TMEM232: variants seen among roughly 807,000 people sequenced by gnomAD.
TMEM232 encodes the protein transmembrane protein 232.
TMEM232 carries 80 observed loss-of-function variants against 78.8 expected under a neutral mutation model. The ratio of observed to expected loss-of-function variants is 1.01; its 90% CI spans 0.85 to 1.22. TMEM232 has a LOEUF of 1.22. Ranked by LOEUF, TMEM232 falls within the 50% of genes most tolerant of loss-of-function variation. The pLI, the probability that TMEM232 is intolerant of heterozygous loss-of-function variation, is 0.00. For missense variants in TMEM232, 881 were observed against 742.2 expected, an observed-to-expected ratio of 1.19 and a Z score of -2.17; for synonymous variants, 297 against 254.3, an observed-to-expected ratio of 1.17 and a Z score of -1.60.
chr5:110,638,934 G>A (rs1786287022), intron 4 of TMEM232, among the ~76,000 whole-genome samples: 1 of 152,138 alleles, frequency 6.6e-6, no homozygotes, highest in South Asian at 2.1e-4. Context: ...GAGGAAACAG[G>A]GCCAACCGGT....
intron 2 of TMEM232, among the ~76,000 whole-genome samples, chr5:110,662,012 G>T (rs544011557): frequency 6.6e-6 from 1 of 152,008 alleles, no homozygotes; most frequent in African/African-American, 2.4e-5. Context: ...TTTGTTATTA[G>T]GGTGTTTGAG....
intron 2 of TMEM232, among the ~76,000 whole-genome samples, chr5:110,399,122 C>T (rs1424031286): frequency 6.6e-6 from 1 of 151,760 alleles, no homozygotes; most frequent in African/African-American, 2.4e-5. Context: ...AATGACACAC[C>T]ATCTAAACTA....
At chr5:110,529,513 C>G (rs1052222640) in intron 11 of TMEM232, among the ~76,000 whole-genome samples, 2 of 152,140 alleles carry the variant, frequency 1.3e-5, no homozygotes, top group African/African-American at 4.8e-5. Context: ...TCCCAAAGTG[C>G]TGGGATTACA....
chr5:110,595,182 CCTGA>C (rs372333113), intron 10 of TMEM232, among the ~76,000 whole-genome samples: 5 of 152,250 alleles, frequency 3.3e-5, no homozygotes, highest in African/African-American at 1.2e-4. Flanking sequence ...AGAAGAGGGG[CCTGA>C]CTGTTAGAAG....
At chr5:110,662,110 A>T (rs545337775) in intron 2 of TMEM232, among the ~76,000 whole-genome samples, 2 of 152,208 alleles carry the variant, frequency 1.3e-5, no homozygotes, top group Non-Finnish European at 2.9e-5. Context: ...AGATATTCAG[A>T]ATTAATAAGA....
At chr5:110,720,072 G>A (rs1398993812) in intron 1 of TMEM232, among the ~76,000 whole-genome samples, 1 of 152,070 alleles carries the variant, frequency 6.6e-6, no homozygotes, top group Admixed American at 6.6e-5. Flanking sequence ...GCAGCATTAG[G>A]CTTGAACCTT....
intron 12 of TMEM232, among the ~76,000 whole-genome samples, chr5:110,475,313 A>G (rs1418584340): frequency 6.6e-6 from 1 of 152,026 alleles, no homozygotes; most frequent in Non-Finnish European, 1.5e-5. Context: ...TGCACTGGAT[A>G]TCTATTAGGA....
At chr5:110,716,320 A>G (rs1797009530) in intron 1 of TMEM232, among the ~76,000 whole-genome samples, 1 of 152,174 alleles carries the variant, frequency 6.6e-6, no homozygotes, top group Admixed American at 6.6e-5. Context: ...ATTCAAGTGC[A>G]TTCCATTTAC....
At chr5:110,422,345 C>G (rs2112618296) in intron 13 of TMEM232, among the ~76,000 whole-genome samples, 1 of 151,426 alleles carries the variant, frequency 6.6e-6, no homozygotes, top group South Asian at 2.1e-4. Context: ...GAAACGCCGT[C>G]TCTACTAAAC....
At chr5:110,484,980 A>T (rs1307577676) in intron 12 of TMEM232, among the ~76,000 whole-genome samples, 2 of 152,166 alleles carry the variant, frequency 1.3e-5, no homozygotes, top group Admixed American at 1.3e-4. Context: ...AAAATTGAAA[A>T]ACAGTAGATA....
At chr5:110,565,186 C>T (rs181120849) in intron 11 of TMEM232, among the ~76,000 whole-genome samples, 120 of 152,022 alleles carry the variant, frequency 7.9e-4, no homozygotes, top group Non-Finnish European at 1.5e-3. Flanking sequence ...AAATCATAAT[C>T]TCTAGGGATA....
intron 1 of TMEM232, among the ~76,000 whole-genome samples, chr5:110,692,894 G>T (rs186023064): frequency 6.6e-6 from 1 of 152,320 alleles, no homozygotes; most frequent in Admixed American, 6.5e-5. Flanking sequence ...CACAGACAAA[G>T]AAAAGGCAGC....
chr5:110,494,591 T>A (rs780355226), intron 12 of TMEM232, among the ~76,000 whole-genome samples: 1 of 152,080 alleles, frequency 6.6e-6, no homozygotes, highest in Non-Finnish European at 1.5e-5. Context: ...CCAGACATTC[T>A]ACTCCTAGGT....
intron 12 of TMEM232, among the ~76,000 whole-genome samples, chr5:110,523,083 G>T (rs1448695592): frequency 6.6e-6 from 1 of 152,124 alleles, no homozygotes; most frequent in Non-Finnish European, 1.5e-5. Flanking sequence ...AATCTCCATA[G>T]TAGTTATAAG....
intron 1 of TMEM232, among the ~76,000 whole-genome samples, chr5:110,696,094 G>C (rs921200324): frequency 5.3e-5 from 8 of 152,096 alleles, no homozygotes; most frequent in African/African-American, 1.7e-4. Context: ...ACATCAAAAA[G>C]CTTATCCACC....
At chr5:110,732,329 C>T (rs906584122) in intron 2 of TMEM232, among the ~76,000 whole-genome samples, 4 of 152,214 alleles carry the variant, frequency 2.6e-5, no homozygotes, top group African/African-American at 9.6e-5. Flanking sequence ...GTCGCTTCCA[C>T]ATTTTTGGTT....
chr5:110,579,902 TA>T (rs1561727002), intron 10 of TMEM232, among the ~76,000 whole-genome samples: 1 of 151,536 alleles, frequency 6.6e-6, no homozygotes, highest in Non-Finnish European at 1.5e-5. Context: ...GACCCAAACA[TA>T]AAGTATCTAT....
intron 11 of TMEM232, among the ~76,000 whole-genome samples, chr5:110,568,128 A>G (rs1196765615): frequency 6.6e-6 from 1 of 151,920 alleles, no homozygotes; most frequent in Non-Finnish European, 1.5e-5. Context: ...TGTACCTAAC[A>G]TGTCTATCAG....
intron 12 of TMEM232, among the ~76,000 whole-genome samples, chr5:110,505,660 C>A (rs982830390): frequency 5.3e-5 from 8 of 152,080 alleles, no homozygotes; most frequent in African/African-American, 1.9e-4. Flanking sequence ...AAGTGCACAA[C>A]CACGCCCTAA....
Sources: allele counts gnomAD v4.1 joint callset (sites outside exome capture counted in the v4.1 genomes callset), GRCh38; gene constraint gnomAD v4.1.1; transcripts MANE v1.5; gene names NCBI Gene and HGNC (gene_info 2026-07-23, HGNC 2026-07-21).